Variants in WWOX observed in about 807,000 individuals in gnomAD.
WWOX encodes WW domain containing oxidoreductase, also known as WW domain-containing oxidoreductase.
A neutral mutation model predicts 46.2 loss-of-function variants in WWOX; 69 were observed. The observed-to-expected ratio is 1.49, with a 90% confidence interval of 1.23 to 1.82. WWOX has a LOEUF of 1.82. Among genes scored for constraint, WWOX ranks in the 40% most tolerant of loss-of-function variants. The pLI is 0.00. For synonymous variants in WWOX, 359 were observed against 202.6 expected (o/e 1.77, Z -6.56); for missense variants, 919 against 542.6 (o/e 1.69, Z -6.89).
At chr16:78,641,634 C>A (rs2550621) in intron 8 of WWOX, among the ~76,000 whole-genome samples, 1 of 151,906 alleles carries the variant, frequency 6.6e-6, no homozygotes, top group South Asian at 2.1e-4. Flanking sequence ...ATGCCCGGCT[C>A]GTGGTTAACC....
At chr16:79,111,431 C>T (rs538767443) in intron 8 of WWOX, among the ~76,000 whole-genome samples, 1 of 152,124 alleles carries the variant, frequency 6.6e-6, no homozygotes, top group Non-Finnish European at 1.5e-5. Context: ...TTTGGAGACA[C>T]TGTTTTCTGT....
At chr16:78,866,261 G>C (rs146522788) in intron 8 of WWOX, among the ~76,000 whole-genome samples, 1 of 151,874 alleles carries the variant, frequency 6.6e-6, no homozygotes, top group Non-Finnish European at 1.5e-5. Context: ...TGAATGCCTC[G>C]CTGTGCCACC....
chr16:78,841,407 C>T (rs1418387629), intron 8 of WWOX, among the ~76,000 whole-genome samples: 3 of 152,174 alleles, frequency 2.0e-5, no homozygotes, highest in African/African-American at 4.8e-5. Flanking sequence ...TTGCCTGTTT[C>T]TTCCAAAATC....
intron 8 of WWOX, among the ~76,000 whole-genome samples, chr16:78,637,097 A>G (rs1981882): frequency 0.44 from 67,141 of 152,078 alleles, 17,337 homozygotes; most frequent in Middle Eastern, 0.63. Flanking sequence ...CATGCATGCA[A>G]TGCCCATCAC....
intron 8 of WWOX, among the ~76,000 whole-genome samples, chr16:79,060,190 C>A (rs1332239198): frequency 6.6e-6 from 1 of 152,180 alleles, no homozygotes; most frequent in Non-Finnish European, 1.5e-5. Context: ...CACCAAGCCT[C>A]ATTTTTCTTG....
intron 8 of WWOX, among the ~76,000 whole-genome samples, chr16:78,517,502 C>G (rs1345906406): frequency 3.3e-5 from 5 of 152,170 alleles, no homozygotes; most frequent in Non-Finnish European, 7.3e-5. Flanking sequence ...TTATGGCATC[C>G]TAATGAATGT....
chr16:79,123,280 T>G (rs189756779), intron 8 of WWOX, among the ~76,000 whole-genome samples: 2 of 152,176 alleles, frequency 1.3e-5, no homozygotes, highest in Admixed American at 6.5e-5. Context: ...AGCATAAGGA[T>G]CTAAGTTTAG....
intron 8 of WWOX, among the ~76,000 whole-genome samples, chr16:78,908,902 C>T (rs914943784): frequency 6.6e-6 from 1 of 152,174 alleles, no homozygotes; most frequent in East Asian, 1.9e-4. Flanking sequence ...TGGGGAGGTT[C>T]AGAATCTTGC....
chr16:78,484,241 C>T (rs1175182841), intron 8 of WWOX, among the ~76,000 whole-genome samples: 2 of 152,144 alleles, frequency 1.3e-5, no homozygotes, highest in African/African-American at 4.8e-5. Context: ...GTACCTTTCT[C>T]TTTAGGCCTT....
chr16:78,968,646 C>G (rs1156729815), intron 8 of WWOX, among the ~76,000 whole-genome samples: 3 of 152,184 alleles, frequency 2.0e-5, no homozygotes, highest in African/African-American at 7.2e-5. Flanking sequence ...AGCACAAGCC[C>G]CAGCTGCCAA....
At chr16:79,057,611 G>C (rs2048287054) in intron 8 of WWOX, among the ~76,000 whole-genome samples, 1 of 152,030 alleles carries the variant, frequency 6.6e-6, no homozygotes, top group Non-Finnish European at 1.5e-5. Context: ...TGAGTCCTTT[G>C]ATCCTTGAAT....
At chr16:78,221,080 C>G (rs576745279) in intron 5 of WWOX, among the ~76,000 whole-genome samples, 2 of 152,232 alleles carry the variant, frequency 1.3e-5, no homozygotes, top group South Asian at 2.1e-4. Flanking sequence ...TATATCACAT[C>G]ACAGAGTTAA....
chr16:78,929,254 AT>A (rs58425003), intron 8 of WWOX, among the ~76,000 whole-genome samples: 48,336 of 149,546 alleles, frequency 0.32, 8,937 homozygotes, highest in African/African-American at 0.52. Flanking sequence ...TCATACAGTG[AT>A]TTTTTTTTTT....
rs2081040468 is a variant in WWOX at position 78,342,929 on chromosome 16, G to C, written c.517-43931G>C. On this transcript the variant is annotated intron_variant, in intron 5 of 8. Coordinates refer to ENST00000566780, the MANE Select transcript of WWOX (RefSeq NM_016373.4). Reference sequence around the variant, plus strand: ...TTTCATGAAACTGAAGCATCTTCTTGGAGATATAAGCTCACCTTGGGATAG... The same window carrying C: ...TTTCATGAAACTGAAGCATCTTCTTCGAGATATAAGCTCACCTTGGGATAG... Among the ~76,000 whole-genome samples the C allele has an allele frequency of 1.7e-5, 2 of 120,398 alleles. 1 individual carries two copies. The highest frequency in any genetic ancestry group is 5.6e-5 in the African/African-American group (2 of 35,446). 79.0% of individuals were successfully genotyped at this position (120,398 alleles called of 152,430 possible).
intron 8 of WWOX, among the ~76,000 whole-genome samples, chr16:78,876,495 T>C (rs2044237069): frequency 6.6e-6 from 1 of 151,962 alleles, no homozygotes; most frequent in Non-Finnish European, 1.5e-5. Context: ...TAAAGGAGTT[T>C]CAAGGGTAAG....
rs1020955738 is a variant in WWOX at position 78,101,813 on chromosome 16, C to T, written c.107+1928C>T. On this transcript the variant is annotated intron_variant, in intron 1 of 8. Transcript: ENST00000566780. The stretch of plus-strand genomic sequence containing the variant: ...CAGGTATTATGTGACAGGCCTTTGG[C>T]TGGCACTGGTTATACCGAGGCAAAT... Among the ~76,000 whole-genome samples the T allele has an allele frequency of 5.1e-4, 77 of 152,178 alleles. 1 individual carries two copies. The highest frequency in any genetic ancestry group is 1.7e-3 in the African/African-American group (72 of 41,434).
In WWOX at chr16:78,708,159, C is replaced by G. The variant is rs2048364049; in HGVS notation, c.1056+275407C>G. Among the ~76,000 whole-genome samples, 3 of 151,980 alleles carry G rather than the reference C, an allele frequency of 2.0e-5. No individual in the cohort carries two copies. The South Asian group carries it at 6.2e-4, about 32-fold the overall frequency. ...TGAGCTATGACTGCACCATTGCATT[C>G]CAGCCAGAGTGGTAGAGCAAGACCC... On this transcript the variant is annotated intron_variant, in intron 8 of 8. Transcript: ENST00000566780.
intron 8 of WWOX, among the ~76,000 whole-genome samples, chr16:78,922,940 G>C (rs914533089): frequency 6.6e-6 from 1 of 150,428 alleles, no homozygotes; most frequent in Non-Finnish European, 1.5e-5. Flanking sequence ...AACATCTTTA[G>C]ATAAAAATAT....
intron 4 of WWOX, among the ~76,000 whole-genome samples, chr16:78,117,807 G>T (rs2032880432): frequency 1.3e-5 from 2 of 152,176 alleles, no homozygotes; most frequent in Admixed American, 6.5e-5. Context: ...CTTTAATGGT[G>T]TTGGTGTTCC....
Sources: gnomAD v4.1 joint callset for allele counts (sites outside exome capture counted in the v4.1 genomes callset) on GRCh38, gnomAD v4.1.1 for gene constraint, MANE v1.5 for transcripts, NCBI Gene and HGNC (gene_info 2026-07-23, HGNC 2026-07-21) for gene names.